The following LUZP2 variants were observed in gnomAD, a reference collection of about 807,000 sequenced individuals.
LUZP2 encodes the protein leucine zipper protein 2.
LUZP2 carries 52 observed loss-of-function variants against 51.6 expected under a neutral mutation model. That is an observed-to-expected ratio of 1.01 (90% CI 0.81 to 1.27). The LOEUF is 1.27. Among genes scored for constraint, LUZP2 ranks in the 50% most tolerant of loss-of-function variants. The pLI, the probability that LUZP2 is intolerant of heterozygous loss-of-function variation, is 0.00. For synonymous variants in LUZP2, 154 were observed against 137.3 expected, an observed-to-expected ratio of 1.12 and a Z score of -0.85; for missense variants, 436 against 395.4, an observed-to-expected ratio of 1.10 and a Z score of -0.87.
At chr11:24,985,118 TTAGTGTTTTG>T (rs1856152897) in intron 9 of LUZP2, among the ~76,000 whole-genome samples, 1 of 151,792 alleles carries the variant, frequency 6.6e-6, no homozygotes, top group Admixed American at 6.6e-5. Flanking sequence ...TATTGTTTGT[TTAGTGTTTTG>T]TATTCAACTA....
intron 10 of LUZP2, among the ~76,000 whole-genome samples, chr11:25,058,834 G>C (rs1366093538): frequency 6.6e-6 from 1 of 152,066 alleles, no homozygotes; most frequent in Non-Finnish European, 1.5e-5. Context: ...TTGACTTCTT[G>C]CTTTTCAGTT....
chr11:24,661,556 T>C (rs746969567), intron 1 of LUZP2, among the ~76,000 whole-genome samples: 2 of 152,194 alleles, frequency 1.3e-5, no homozygotes, highest in Non-Finnish European at 2.9e-5. Flanking sequence ...TCTTGTCTAC[T>C]TGTCAGCAGC....
At chr11:24,650,540 A>G (rs1855596316) in intron 1 of LUZP2, among the ~76,000 whole-genome samples, 1 of 152,042 alleles carries the variant, frequency 6.6e-6, no homozygotes, top group African/African-American at 2.4e-5. Context: ...ACAAAATTGA[A>G]ATGGCAGAAG....
intron 1 of LUZP2, among the ~76,000 whole-genome samples, chr11:24,682,768 G>A (rs1312911044): frequency 6.6e-6 from 1 of 151,942 alleles, no homozygotes; most frequent in Non-Finnish European, 1.5e-5. Context: ...CACGTTGGGA[G>A]GCCAAGGCAG....
chr11:24,769,888 G>C lies in LUZP2; in HGVS notation c.396+6580G>C, dbSNP rs181650423. On this transcript the variant is annotated intron_variant, in intron 5 of 11. Coordinates refer to ENST00000336930, the MANE Select transcript of LUZP2 (RefSeq NM_001009909.4). ...GCTCACTGCAACCTCCGCCTCCCGG[G>C]TTCAAGCAATTCTCTTGCCCCAGCC... Among the ~76,000 whole-genome samples, 4 of 152,074 alleles carry C rather than the reference G, an allele frequency of 2.6e-5. No individual in the cohort carries two copies. In the East Asian group the frequency reaches 5.8e-4, roughly 22 times the overall value.
chr11:24,633,792 A>G (rs767062305), intron 1 of LUZP2, among the ~76,000 whole-genome samples: 6 of 151,984 alleles, frequency 3.9e-5, no homozygotes, highest in African/African-American at 7.2e-5. Context: ...TAGCAACTGC[A>G]TGAATTTATT....
intron 1 of LUZP2, among the ~76,000 whole-genome samples, chr11:24,570,837 C>T (rs1470145874): frequency 6.6e-6 from 1 of 151,878 alleles, no homozygotes; most frequent in Non-Finnish European, 1.5e-5. Flanking sequence ...TGAATAAATG[C>T]TTTTAAAGTT....
intron 7 of LUZP2, among the ~76,000 whole-genome samples, chr11:24,922,825 CTTTTTTTTTTTCTTTTT>C (rs1302099848): frequency 0.034 from 1,495 of 44,436 alleles, 47 homozygotes; most frequent in Non-Finnish European, 0.073. Context: ...ACAGTTATAT[CTTTTTTTTTTTCTTTTT>C]TTTTTTTTTT....
At chr11:25,020,034 C>T (rs1312528363) in intron 9 of LUZP2, among the ~76,000 whole-genome samples, 1 of 152,086 alleles carries the variant, frequency 6.6e-6, no homozygotes, top group Admixed American at 6.6e-5. Context: ...TCCACTTTAA[C>T]AACCATCTGT....
intron 4 of LUZP2, among the ~76,000 whole-genome samples, chr11:24,741,013 T>G (rs1859118347): frequency 6.6e-6 from 1 of 152,096 alleles, no homozygotes; most frequent in African/African-American, 2.4e-5. Flanking sequence ...ATGATAATAT[T>G]GTGGTAAGAA....
At chr11:24,771,898 C>T (rs374845385) in intron 5 of LUZP2, among the ~76,000 whole-genome samples, 1 of 152,158 alleles carries the variant, frequency 6.6e-6, no homozygotes, top group Non-Finnish European at 1.5e-5. Flanking sequence ...TCACCTACCT[C>T]CATGATTGTC....
intron 1 of LUZP2, among the ~76,000 whole-genome samples, chr11:24,689,808 C>A (rs565055091): frequency 5.9e-5 from 9 of 152,286 alleles, no homozygotes; most frequent in Admixed American, 5.2e-4. Flanking sequence ...TAAGCATTCA[C>A]TCCTTTTTCA....
At chr11:24,829,891 A>G (rs1420791242) in intron 5 of LUZP2, among the ~76,000 whole-genome samples, 4 of 152,230 alleles carry the variant, frequency 2.6e-5, no homozygotes, top group African/African-American at 9.6e-5. Flanking sequence ...GATTGTGGAT[A>G]AAAGAAACTT....
At chr11:24,819,667 A>C (rs1189316148) in intron 5 of LUZP2, among the ~76,000 whole-genome samples, 1 of 152,122 alleles carries the variant, frequency 6.6e-6, no homozygotes, top group Non-Finnish European at 1.5e-5. Flanking sequence ...GTGTGATTCC[A>C]TTGGTTAATC....
chr11:24,574,263 GCTTT>G (rs1284916157), intron 1 of LUZP2, among the ~76,000 whole-genome samples: 23 of 69,986 alleles, frequency 3.3e-4, no homozygotes, highest in African/African-American at 9.8e-4. Context: ...TTTCTTTCTT[GCTTT>G]CTTTCTTTCT....
chr11:24,601,333 C>T (rs79665806), intron 1 of LUZP2, among the ~76,000 whole-genome samples: 1 of 151,926 alleles, frequency 6.6e-6, no homozygotes, highest in Non-Finnish European at 1.5e-5. Context: ...TACTCAATTT[C>T]TGATCTATAG....
intron 1 of LUZP2, among the ~76,000 whole-genome samples, chr11:24,635,415 GAA>G: frequency 4.0e-5 from 2 of 49,724 alleles, no homozygotes; most frequent in South Asian, 1.3e-3. Context: ...CCTCAAATCA[GAA>G]AAGAGTGTGT....
At chr11:24,522,349 T>G (rs1438496798) in intron 1 of LUZP2, among the ~76,000 whole-genome samples, 1 of 152,138 alleles carries the variant, frequency 6.6e-6, no homozygotes, top group Non-Finnish European at 1.5e-5. Flanking sequence ...TCTTTTTGTT[T>G]TTTTGCTTTT....
chr11:24,985,596 A>C (rs1856166331), intron 9 of LUZP2, among the ~76,000 whole-genome samples: 1 of 151,698 alleles, frequency 6.6e-6, no homozygotes, highest in Middle Eastern at 3.2e-3. Context: ...AATGTTATTG[A>C]GTCATAATAA....
Sources: allele counts gnomAD v4.1 joint callset (sites outside exome capture counted in the v4.1 genomes callset), GRCh38; gene constraint gnomAD v4.1.1; transcripts MANE v1.5; gene names NCBI Gene and HGNC (gene_info 2026-07-23, HGNC 2026-07-21).